COX7B2: variants seen among roughly 807,000 people sequenced by gnomAD.
COX7B2 encodes cytochrome c oxidase subunit 7B2, also known as cytochrome c oxidase subunit 7B2, mitochondrial.
For synonymous variants in COX7B2, 37 were observed against 32.1 expected (o/e 1.15, Z -0.51); for missense variants, 109 against 95.9 (o/e 1.14, Z -0.57).
intron 1 of COX7B2, among the ~76,000 whole-genome samples, chr4:46,846,572 G>C (rs1464831096): frequency 6.6e-6 from 1 of 151,930 alleles, no homozygotes; most frequent in Non-Finnish European, 1.5e-5. Context: ...CAGTAAAAGG[G>C]AACAGTGAGT....
chr4:46,873,024 C>T (rs900384815), intron 1 of COX7B2, among the ~76,000 whole-genome samples: 3 of 150,244 alleles, frequency 2.0e-5, no homozygotes, highest in Non-Finnish European at 3.0e-5. Flanking sequence ...TCCCTGTGTC[C>T]ATGTGTTCTC....
At chr4:46,842,575 C>T (rs527400623) in intron 2 of COX7B2, among the ~76,000 whole-genome samples, 7 of 151,894 alleles carry the variant, frequency 4.6e-5, no homozygotes, top group South Asian at 4.2e-4. Flanking sequence ...CAACAGTCCC[C>T]GGTGTGTGAT....
At chr4:46,887,464 C>T (rs967637106) in intron 1 of COX7B2, among the ~76,000 whole-genome samples, 1 of 152,070 alleles carries the variant, frequency 6.6e-6, no homozygotes, top group Admixed American at 6.5e-5. Flanking sequence ...GTAATCCCAG[C>T]ACTTTGGGAG....
At chr4:46,845,883 T>C (rs954213886) in intron 1 of COX7B2, among the ~76,000 whole-genome samples, 3 of 151,952 alleles carry the variant, frequency 2.0e-5, no homozygotes, top group Admixed American at 6.6e-5. Context: ...TGAGTATCCA[T>C]CAACAGCAAA....
chr4:46,897,862 T>C (rs1719852288), intron 1 of COX7B2, among the ~76,000 whole-genome samples: 1 of 152,200 alleles, frequency 6.6e-6, no homozygotes, highest in African/African-American at 2.4e-5. Flanking sequence ...AGACTTCATT[T>C]TCTCTTACCT....
chr4:46,813,076 G>A (rs1488428638), intron 2 of COX7B2, among the ~76,000 whole-genome samples: 2 of 152,134 alleles, frequency 1.3e-5, no homozygotes, highest in Non-Finnish European at 2.9e-5. Context: ...CACCACTTCA[G>A]CTTGACCCTG....
intron 2 of COX7B2, among the ~76,000 whole-genome samples, chr4:46,816,775 G>C (rs1039851812): frequency 2.0e-5 from 3 of 152,136 alleles, no homozygotes; most frequent in African/African-American, 7.2e-5. Flanking sequence ...TTTCACTATA[G>C]CTGAGGTTGT....
At chr4:46,758,377 A>G (rs778766810) in intron 2 of COX7B2, among the ~76,000 whole-genome samples, 1 of 152,168 alleles carries the variant, frequency 6.6e-6, no homozygotes, top group Non-Finnish European at 1.5e-5. Flanking sequence ...TATTTCAGCC[A>G]TATATCTGGC....
At chr4:46,741,199 C>T (rs1577646312) in intron 2 of COX7B2, among the ~76,000 whole-genome samples, 1 of 152,016 alleles carries the variant, frequency 6.6e-6, no homozygotes, top group African/African-American at 2.4e-5. Flanking sequence ...TCTCACATTG[C>T]CCAGATATTA....
intron 1 of COX7B2, among the ~76,000 whole-genome samples, chr4:46,861,096 T>A (rs780274515): frequency 1.3e-5 from 2 of 152,192 alleles, no homozygotes; most frequent in Non-Finnish European, 2.9e-5. Context: ...GTTCATTTAT[T>A]CCTTAGTTTC....
intron 1 of COX7B2, among the ~76,000 whole-genome samples, chr4:46,892,070 T>C (rs191941488): frequency 7.9e-5 from 12 of 152,294 alleles, no homozygotes; most frequent in Admixed American, 2.0e-4. Context: ...ACAGAATGAA[T>C]TGATCAACAT....
intron 1 of COX7B2, among the ~76,000 whole-genome samples, chr4:46,863,981 G>A (rs1186166910): frequency 2.0e-5 from 3 of 152,136 alleles, no homozygotes; most frequent in Admixed American, 2.0e-4. Context: ...GTCATGATGG[G>A]AAACAGGGGC....
rs529127261 is a variant in COX7B2 at position 46,754,264 on chromosome 4, G to A, written c.-49-19023C>T. 4.1e-3 allele frequency among the ~76,000 whole-genome samples: 625 copies of A among 151,568 alleles called. 4 individuals are homozygous for A. Among genetic ancestry groups the A allele is most frequent in the Non-Finnish European group, 6.1e-3 (416 of 67,896 alleles). ...TGCTGCTATAAAGACACATGCACAC[G>A]TATGTTTATTGCAGCACTATTCACA... On this transcript the variant is annotated intron_variant, in intron 2 of 2. Transcript: ENST00000355591.
chr4:46,751,115 G>C (rs1353106958), intron 2 of COX7B2, among the ~76,000 whole-genome samples: 1 of 149,776 alleles, frequency 6.7e-6, no homozygotes, highest in Non-Finnish European at 1.5e-5. Context: ...TTCTGGAATA[G>C]ACATTCCTTC....
intron 2 of COX7B2, among the ~76,000 whole-genome samples, chr4:46,781,912 C>A (rs1239991515): frequency 1.3e-5 from 2 of 152,214 alleles, no homozygotes; most frequent in Non-Finnish European, 2.9e-5. Context: ...GGCTCAGGAC[C>A]TGCAGCCCTC....
chr4:46,757,793 G>C (rs1451389284), intron 2 of COX7B2, among the ~76,000 whole-genome samples: 7 of 151,970 alleles, frequency 4.6e-5, no homozygotes, highest in Non-Finnish European at 1.0e-4. Context: ...AATATTTGTA[G>C]ACTGAAAAAA....
intron 2 of COX7B2, among the ~76,000 whole-genome samples, chr4:46,804,889 C>A (rs534057314): frequency 5.9e-5 from 9 of 152,160 alleles, no homozygotes; most frequent in African/African-American, 2.2e-4. Flanking sequence ...GGGCTGTGCA[C>A]GTCGGGGAGG....
intron 2 of COX7B2, among the ~76,000 whole-genome samples, chr4:46,751,919 A>G (rs1423081440): frequency 6.6e-6 from 1 of 152,066 alleles, no homozygotes; most frequent in Non-Finnish European, 1.5e-5. Flanking sequence ...TTGCTTCCAT[A>G]TGAACTTTAA....
chr4:46,749,610 A>G (rs1226390284), intron 2 of COX7B2, among the ~76,000 whole-genome samples: 1 of 152,214 alleles, frequency 6.6e-6, no homozygotes, highest in African/African-American at 2.4e-5. Flanking sequence ...TCTGAAGTAC[A>G]CTAATCAGAA....
Sources: allele counts gnomAD v4.1 joint callset (sites outside exome capture counted in the v4.1 genomes callset), GRCh38; gene constraint gnomAD v4.1.1; transcripts MANE v1.5; gene names NCBI Gene and HGNC (gene_info 2026-07-23, HGNC 2026-07-21).